The following TBL1X variants were observed in gnomAD, a reference collection of about 807,000 sequenced individuals.
TBL1X encodes the protein transducin beta like 1 X-linked.
A neutral mutation model predicts 50.7 loss-of-function variants in TBL1X; 10 were observed. The ratio of observed to expected loss-of-function variants is 0.20; its 90% confidence interval spans 0.12 to 0.33. The LOEUF is 0.33. Among genes scored for constraint, TBL1X ranks in the 10% least tolerant of loss-of-function variants. The pLI is 1.00. For missense variants in TBL1X, 340 were observed against 504.4 expected (o/e 0.67, Z 3.12); for synonymous variants, 190 against 214.7 (o/e 0.88, Z 1.01).
In TBL1X at chrX:9,474,271, G is replaced by A. The variant is rs1197714911; in HGVS notation, c.-201+8824G>A. ...CTTCTGAAAACTTTTTTGCTGAAAA[G>A]GATATATGATGAAAGAAACATTTAT... is the stretch of plus-strand genomic sequence containing the variant. On this transcript the variant is annotated intron_variant, in intron 1 of 17. Transcript: ENST00000645353. 4.4e-4 allele frequency among the ~76,000 whole-genome samples: 50 copies of A among 112,895 alleles called. 1 individual carries two copies. The highest frequency in any genetic ancestry group is 5.6e-5 in the Non-Finnish European group (3 of 53,379).
chrX:9,598,914 TTTTTGTTTTGTTTTG>T (rs1555898906), intron 2 of TBL1X, among the ~76,000 whole-genome samples: 1 of 98,342 alleles, frequency 1.0e-5, no homozygotes, highest in Non-Finnish European at 2.0e-5. Flanking sequence ...CTACCTTTTT[TTTTTGTTTTGTTTTG>T]TTTTGTTTTG....
intron 2 of TBL1X, among the ~76,000 whole-genome samples, chrX:9,563,125 G>A (rs780574874): frequency 1.8e-5 from 2 of 112,780 alleles, no homozygotes; most frequent in Admixed American, 9.4e-5. Context: ...CACAGCTTGC[G>A]GAAAGACACG....
At chrX:9,525,154 AT>A (rs762537220) in intron 2 of TBL1X, among the ~76,000 whole-genome samples, 24 of 110,669 alleles carry the variant, frequency 2.2e-4, no homozygotes, top group African/African-American at 7.6e-4. Flanking sequence ...GGGATTCTTG[AT>A]TTCTCTCAGT....
chrX:9,556,517 T>C (rs1445113931), intron 2 of TBL1X, among the ~76,000 whole-genome samples: 1 of 107,608 alleles, frequency 9.3e-6, no homozygotes, highest in Non-Finnish European at 1.9e-5. Context: ...AAGCCAGGCA[T>C]GGTGGTCCAC....
At chrX:9,534,126 C>T (rs1411254776) in intron 2 of TBL1X, among the ~76,000 whole-genome samples, 2 of 111,689 alleles carry the variant, frequency 1.8e-5, no homozygotes, top group Admixed American at 9.4e-5. Flanking sequence ...TGTCTGATCC[C>T]ACTAAAGACT....
At chrX:9,543,824 G>A (rs1039428351) in intron 2 of TBL1X, among the ~76,000 whole-genome samples, 9 of 111,748 alleles carry the variant, frequency 8.1e-5, no homozygotes, top group African/African-American at 2.9e-4. Context: ...GCCCCTTAAC[G>A]CAGCCAAGAA....
At chrX:9,660,944 G>A (rs1164166276) in intron 5 of TBL1X, among the ~76,000 whole-genome samples, 2 of 112,177 alleles carry the variant, frequency 1.8e-5, no homozygotes, top group African/African-American at 6.5e-5. Context: ...GAAGTCATGA[G>A]GAGAGCTCCT....
intron 2 of TBL1X, among the ~76,000 whole-genome samples, chrX:9,504,630 A>G (rs1366079844): frequency 8.9e-6 from 1 of 112,669 alleles, no homozygotes; most frequent in African/African-American, 3.2e-5. Context: ...GCTGAAAAAC[A>G]CAGCACGAGA....
chrX:9,617,113 T>G lies in TBL1X; in HGVS notation c.-130-23160T>G, dbSNP rs1213364577. ...GTGTGAACAGCTCCAAGGCACCGTG[T>G]TTTTAATGTAACCCATTCGTTTCTG... On this transcript the variant is annotated intron_variant, in intron 2 of 17. Transcript: ENST00000645353. Among the ~76,000 whole-genome samples the G allele has an allele frequency of 6.3e-5, 7 of 111,850 alleles. No homozygotes were observed. The East Asian group carries it at 2.0e-3, about 31-fold the overall frequency.
chrX:9,565,271 C>CAAGAAAA (rs2082345080), intron 2 of TBL1X, among the ~76,000 whole-genome samples: 2 of 37,399 alleles, frequency 5.3e-5, no homozygotes, highest in Non-Finnish European at 8.8e-5. Flanking sequence ...GACTCCGTCT[C>CAAGAAAA]AAAAAAAAAA....
intron 2 of TBL1X, among the ~76,000 whole-genome samples, chrX:9,627,793 A>C (rs758260282): frequency 7.1e-5 from 8 of 112,427 alleles, no homozygotes; most frequent in East Asian, 2.8e-4. Context: ...TTGGGGTTCA[A>C]ATCCTACTAC....
chrX:9,530,512 A>G (rs1319555805), intron 2 of TBL1X, among the ~76,000 whole-genome samples: 1 of 112,449 alleles, frequency 8.9e-6, no homozygotes, highest in Non-Finnish European at 1.9e-5. Context: ...TTTAATGAAC[A>G]GACCACATCA....
At chrX:9,522,029 T>C (rs1404134489) in intron 2 of TBL1X, among the ~76,000 whole-genome samples, 3 of 106,260 alleles carry the variant, frequency 2.8e-5, no homozygotes, top group Non-Finnish European at 5.8e-5. Context: ...TTTTTTTTTT[T>C]TTCCCTGAGA....
chrX:9,491,818 T>A (rs964760083), intron 1 of TBL1X, among the ~76,000 whole-genome samples: 1 of 110,781 alleles, frequency 9.0e-6, no homozygotes, highest in African/African-American at 3.3e-5. Context: ...ACCCTCAAGT[T>A]GTTTTGGTGA....
chrX:9,486,675 A>C (rs1229176345), intron 1 of TBL1X, among the ~76,000 whole-genome samples: 4 of 104,645 alleles, frequency 3.8e-5, no homozygotes, highest in Non-Finnish European at 7.7e-5. Flanking sequence ...TTGATATCTC[A>C]TGTCTCCCTA....
At chrX:9,538,036 C>T (rs1301175805) in intron 2 of TBL1X, among the ~76,000 whole-genome samples, 3 of 112,087 alleles carry the variant, frequency 2.7e-5, no homozygotes, top group African/African-American at 9.7e-5. Flanking sequence ...TTGGAAGTAA[C>T]ATGATGCTCT....
At chrX:9,636,883 G>C (rs1482488024) in intron 2 of TBL1X, 1 of 112,417 alleles carries the variant, frequency 8.9e-6, no homozygotes, top group Non-Finnish European at 1.9e-5. Flanking sequence ...CAGCTGATCT[G>C]CATATAGGAT....
chrX:9,652,850 CAAAAA>C (rs750794158), intron 3 of TBL1X, among the ~76,000 whole-genome samples: 1 of 55,401 alleles, frequency 1.8e-5, no homozygotes. Flanking sequence ...GACTCTGTCT[CAAAAA>C]AAAAAAAAAA....
intron 1 of TBL1X, among the ~76,000 whole-genome samples, chrX:9,485,519 A>G (rs778118590): frequency 1.8e-5 from 2 of 111,042 alleles, no homozygotes; most frequent in African/African-American, 6.5e-5. Context: ...AAACCATGAC[A>G]CTCCCCCAAA....
Sources: gnomAD v4.1 joint callset for allele counts (sites outside exome capture counted in the v4.1 genomes callset) on GRCh38, gnomAD v4.1.1 for gene constraint, MANE v1.5 for transcripts, NCBI Gene and HGNC (gene_info 2026-07-23, HGNC 2026-07-21) for gene names.